Variants in CDH13 observed in about 807,000 individuals in gnomAD.
The protein encoded by CDH13 is cadherin-13.
In CDH13, 24 loss-of-function variants were observed where a neutral mutation model predicts 63.8. The ratio of observed to expected loss-of-function variants is 0.38; its 90% confidence interval spans 0.27 to 0.53. The LOEUF is 0.53. CDH13 is among the 20% of genes least tolerant of loss of function. The pLI is 0.85. For synonymous variants in CDH13, 503 were observed against 355.3 expected (o/e 1.42, Z -4.67); for missense variants, 1,049 against 903.1 (o/e 1.16, Z -2.07).
intron 1 of CDH13, among the ~76,000 whole-genome samples, chr16:82,701,569 A>T (rs2031023534): frequency 6.6e-6 from 1 of 152,152 alleles, no homozygotes; most frequent in South Asian, 2.1e-4. Context: ...ACTTGTCATC[A>T]GGAATATGTC....
At chr16:82,670,098 G>C (rs1341884550) in intron 1 of CDH13, among the ~76,000 whole-genome samples, 1 of 152,192 alleles carries the variant, frequency 6.6e-6, no homozygotes, top group African/African-American at 2.4e-5. Flanking sequence ...GGGGTTTCTT[G>C]AGTCACCGAG....
chr16:83,677,516 G>A (rs2150869265), intron 9 of CDH13, among the ~76,000 whole-genome samples: 1 of 71,070 alleles, frequency 1.4e-5, no homozygotes, highest in South Asian at 3.7e-4. Flanking sequence ...CCCTCAGTTG[G>A]GCCAGGGCCC....
intron 3 of CDH13, among the ~76,000 whole-genome samples, chr16:83,042,169 A>T (rs1360616712): frequency 6.6e-6 from 1 of 152,112 alleles, no homozygotes; most frequent in African/African-American, 2.4e-5. Flanking sequence ...AGTGTCCCCC[A>T]CCCACCTGTC....
intron 5 of CDH13, among the ~76,000 whole-genome samples, chr16:83,295,112 C>G (rs567345612): frequency 8.5e-5 from 13 of 152,164 alleles, no homozygotes; most frequent in Middle Eastern, 3.4e-3. Flanking sequence ...GCATAGTTAT[C>G]AAGAACACAC....
intron 4 of CDH13, among the ~76,000 whole-genome samples, chr16:83,134,958 T>G (rs2036218491): frequency 6.6e-6 from 1 of 152,210 alleles, no homozygotes; most frequent in African/African-American, 2.4e-5. Context: ...TCCTAGAACT[T>G]TATTGTTATT....
intron 7 of CDH13, among the ~76,000 whole-genome samples, chr16:83,487,342 T>C (rs1351462207): frequency 2.0e-5 from 3 of 152,214 alleles, no homozygotes; most frequent in African/African-American, 7.2e-5. Context: ...TTCCAGTTTT[T>C]CTGGACATCA....
In CDH13 at chr16:82,809,247, A is replaced by G. The variant is rs551283391; in HGVS notation, c.46-49115A>G. 6.8e-4 allele frequency among the ~76,000 whole-genome samples: 103 copies of G among 151,828 alleles called. 1 individual carries two copies. The highest frequency in any genetic ancestry group is 2.3e-3 in the African/African-American group (96 of 41,402). On this transcript the variant is annotated intron_variant, in intron 1 of 13. Transcript: ENST00000567109. Reference sequence around the variant, plus strand: ...TAAACATTTGCCAAGCTATTATTACATTATTTTTTCATGTTCATTTCTTCA... The same window carrying G: ...TAAACATTTGCCAAGCTATTATTACGTTATTTTTTCATGTTCATTTCTTCA...
At chr16:83,511,663 A>G (rs1336484238) in intron 7 of CDH13, among the ~76,000 whole-genome samples, 1 of 152,224 alleles carries the variant, frequency 6.6e-6, no homozygotes. Flanking sequence ...TATGAGCATC[A>G]CACAGGTTAA....
chr16:82,730,631 C>G (rs1289766497), intron 1 of CDH13, among the ~76,000 whole-genome samples: 1 of 152,154 alleles, frequency 6.6e-6, no homozygotes, highest in Non-Finnish European at 1.5e-5. Context: ...GTGACACAGA[C>G]AAGAAGTGAG....
intron 5 of CDH13, among the ~76,000 whole-genome samples, chr16:83,339,200 G>C (rs902474165): frequency 6.6e-6 from 1 of 152,066 alleles, no homozygotes; most frequent in African/African-American, 2.4e-5. Context: ...TAGAAGAGAA[G>C]GTTTCATTTG....
chr16:83,493,049 G>A (rs534203930), intron 7 of CDH13, among the ~76,000 whole-genome samples: 2 of 151,760 alleles, frequency 1.3e-5, no homozygotes, highest in South Asian at 2.1e-4. Context: ...TTGTTTGTCA[G>A]TTGTGAGACC....
At chr16:83,315,177 C>A (rs991393812) in intron 5 of CDH13, among the ~76,000 whole-genome samples, 2 of 152,200 alleles carry the variant, frequency 1.3e-5, no homozygotes, top group African/African-American at 4.8e-5. Flanking sequence ...TTATCCTAAG[C>A]TCATATGTGG....
At chr16:83,415,434 G>C (rs1418779353) in intron 6 of CDH13, among the ~76,000 whole-genome samples, 1 of 152,042 alleles carries the variant, frequency 6.6e-6, no homozygotes, top group African/African-American at 2.4e-5. Flanking sequence ...GTATTACCCT[G>C]ACACCAAAGC....
At chr16:83,711,145 G>T (rs552047281) in intron 10 of CDH13, among the ~76,000 whole-genome samples, 2 of 152,332 alleles carry the variant, frequency 1.3e-5, no homozygotes, top group African/African-American at 4.8e-5. Flanking sequence ...ACTCTCCCCA[G>T]TTAGAAGTAT....
At chr16:83,690,200 T>C (rs1904710805) in intron 10 of CDH13, among the ~76,000 whole-genome samples, 1 of 152,106 alleles carries the variant, frequency 6.6e-6, no homozygotes, top group African/African-American at 2.4e-5. Flanking sequence ...AAATCTGTTA[T>C]CATCGAAATC....
chr16:83,456,828 G>A (rs1165194944), intron 6 of CDH13, among the ~76,000 whole-genome samples: 3 of 152,158 alleles, frequency 2.0e-5, no homozygotes, highest in African/African-American at 7.2e-5. Context: ...CAGGCATGGT[G>A]GCACACACCT....
chr16:83,671,245 A>G (rs962178931), intron 9 of CDH13, among the ~76,000 whole-genome samples: 3 of 152,058 alleles, frequency 2.0e-5, no homozygotes, highest in Admixed American at 6.6e-5. Context: ...TGCATTTTTT[A>G]TTTTGTTTTC....
chr16:83,191,342 C>T (rs1289053834), intron 4 of CDH13, among the ~76,000 whole-genome samples: 2 of 147,394 alleles, frequency 1.4e-5, no homozygotes, highest in Admixed American at 7.0e-5. Flanking sequence ...AACTTTTGTG[C>T]CTCAGTTTCC....
intron 7 of CDH13, among the ~76,000 whole-genome samples, chr16:83,504,985 G>A (rs868235062): frequency 6.6e-6 from 1 of 152,116 alleles, no homozygotes; most frequent in Non-Finnish European, 1.5e-5. Flanking sequence ...AAATGGTTAA[G>A]AGGAGTGAAA....
Sources: gnomAD v4.1 joint callset for allele counts (sites outside exome capture counted in the v4.1 genomes callset) on GRCh38, gnomAD v4.1.1 for gene constraint, MANE v1.5 for transcripts, NCBI Gene and HGNC (gene_info 2026-07-23, HGNC 2026-07-21) for gene names.